RSBN1L: variants seen among roughly 807,000 people sequenced by gnomAD.
RSBN1L encodes round spermatid basic protein 1 like.
A neutral mutation model predicts 67.7 loss-of-function variants in RSBN1L; 30 were observed. The ratio of observed to expected loss-of-function variants is 0.44; its 90% CI spans 0.33 to 0.60. The LOEUF (loss-of-function observed/expected upper bound fraction) is 0.60, where lower values mean the gene tolerates loss of function less well. RSBN1L is among the 20% of genes least tolerant of loss of function. The pLI, the probability that RSBN1L is intolerant of heterozygous loss-of-function variation, is 0.02. For missense variants in RSBN1L, 992 were observed against 1,031.7 expected, an observed-to-expected ratio of 0.96 and a Z score of 0.53; for synonymous variants, 433 against 387.0, an observed-to-expected ratio of 1.12 and a Z score of -1.39.
intron 6 of RSBN1L, 102 bp downstream of exon 6, chr7:77,773,416 A>AT (rs1791871855): frequency 1.3e-6 from 1 of 776,822 alleles, no homozygotes; most frequent in Non-Finnish European, 1.9e-6. Context: ...AAAAAGTTTC[A>AT]TTTTTTACCC....
At chr7:77,734,504 T>C (rs78065302) in intron 1 of RSBN1L, among the ~76,000 whole-genome samples, 15 of 152,076 alleles carry the variant, frequency 9.9e-5, no homozygotes, top group East Asian at 7.7e-4. Context: ...TTTTTTTTTT[T>C]CCAAGATGTA....
At chr7:77,706,162 C>T (rs1475599215) in intron 1 of RSBN1L, among the ~76,000 whole-genome samples, 6 of 151,852 alleles carry the variant, frequency 4.0e-5, no homozygotes, top group African/African-American at 9.7e-5. Flanking sequence ...CTGCAACCTC[C>T]GCCCCCCAGG....
At position 77,779,754 on chromosome 7, in the gene RSBN1L, T is replaced by C. The variant is rs1163374321; in HGVS notation, c.*586T>C. ...GCTGGTATATCTATTTAGTGTGGTA[T>C]TGTAGTGCAAATGTACGTAATTCAA... is the stretch of plus-strand genomic sequence containing the variant. On this transcript the variant is annotated 3_prime_UTR_variant, in exon 8 of 8. Transcript: ENST00000334955. The C allele has an allele frequency of 6.6e-6, 1 of 152,090 alleles. No individual in the cohort carries two copies. The highest frequency in any genetic ancestry group is 1.5e-5 in the Non-Finnish European group (1 of 67,928). 9.4% of individuals were successfully genotyped at this position (152,090 alleles called of 1,614,324 possible).
At chr7:77,757,622 T>C (rs1243970787) in intron 3 of RSBN1L, among the ~76,000 whole-genome samples, 1 of 152,278 alleles carries the variant, frequency 6.6e-6, no homozygotes, top group Non-Finnish European at 1.5e-5. Context: ...TGGACAGTTC[T>C]TGTGGTCTCT....
chr7:77,743,975 C>G (rs1010207439), intron 2 of RSBN1L, among the ~76,000 whole-genome samples: 1 of 152,192 alleles, frequency 6.6e-6, no homozygotes, highest in Non-Finnish European at 1.5e-5. Context: ...ATCCTCCTGC[C>G]TTGGCCTCCC....
At chr7:77,771,073 C>T (rs947594325) in intron 5 of RSBN1L, among the ~76,000 whole-genome samples, 5 of 152,150 alleles carry the variant, frequency 3.3e-5, no homozygotes, top group African/African-American at 9.7e-5. Flanking sequence ...TCCCGAGTAG[C>T]TGGGACTACA....
intron 1 of RSBN1L, among the ~76,000 whole-genome samples, chr7:77,725,007 T>C (rs1438509055): frequency 6.7e-6 from 1 of 149,936 alleles, no homozygotes; most frequent in Non-Finnish European, 1.5e-5. Flanking sequence ...CATGCCTGGC[T>C]AATTTTTTGT....
intron 3 of RSBN1L, among the ~76,000 whole-genome samples, chr7:77,753,201 A>G (rs559090605): frequency 6.6e-6 from 1 of 152,308 alleles, no homozygotes; most frequent in East Asian, 1.9e-4. Flanking sequence ...ATATGCACCT[A>G]TTCAGTTTTG....
chr7:77,718,814 A>G (rs1406898944), intron 1 of RSBN1L, among the ~76,000 whole-genome samples: 1 of 152,194 alleles, frequency 6.6e-6, no homozygotes, highest in African/African-American at 2.4e-5. Flanking sequence ...TTCTGGCATG[A>G]TTGGCTGGGT....
At chr7:77,761,555 G>A (rs1002389122) in intron 3 of RSBN1L, among the ~76,000 whole-genome samples, 1 of 152,148 alleles carries the variant, frequency 6.6e-6, no homozygotes, top group African/African-American at 2.4e-5. Context: ...CAACAAAAGA[G>A]GTGTCACCAA....
intron 4 of RSBN1L, 102 bp from the exon 5 acceptor site, chr7:77,768,559 G>T: frequency 3.2e-6 from 3 of 950,394 alleles, no homozygotes; most frequent in Non-Finnish European, 4.9e-6. Context: ...GTATAAAGCT[G>T]TGTATGAAAG....
At chr7:77,727,594 G>T (rs1189194265) in intron 1 of RSBN1L, among the ~76,000 whole-genome samples, 1 of 150,542 alleles carries the variant, frequency 6.6e-6, no homozygotes, top group Non-Finnish European at 1.5e-5. Flanking sequence ...CTACAGGCCT[G>T]TCCCACCTTA....
intron 3 of RSBN1L, among the ~76,000 whole-genome samples, chr7:77,756,603 C>T (rs1791621630): frequency 6.6e-6 from 1 of 151,844 alleles, no homozygotes; most frequent in African/African-American, 2.4e-5. Context: ...GGTGAAACTC[C>T]GTTTCTAATA....
At chr7:77,704,990 GT>G (rs1299783747) in intron 1 of RSBN1L, among the ~76,000 whole-genome samples, 2 of 92,570 alleles carry the variant, frequency 2.2e-5, no homozygotes, top group Non-Finnish European at 4.0e-5. Context: ...AAAAAAAAAA[GT>G]TGTGTGTGTG....
chr7:77,759,393 G>A (rs201700881), intron 3 of RSBN1L, among the ~76,000 whole-genome samples: 32 of 152,082 alleles, frequency 2.1e-4, no homozygotes, highest in Admixed American at 1.1e-3. Context: ...TTTAGTTGCC[G>A]TTATATGGGT....
At chr7:77,768,880 G>A in intron 5 of RSBN1L, 77 bp downstream of exon 5, 5 of 1,274,660 alleles carry the variant, frequency 3.9e-6, no homozygotes, top group East Asian at 2.3e-5. Flanking sequence ...GAAAATTGGA[G>A]GAAGGAGGAA....
At chr7:77,748,203 G>C (rs1791508994) in intron 2 of RSBN1L, among the ~76,000 whole-genome samples, 1 of 152,076 alleles carries the variant, frequency 6.6e-6, no homozygotes, top group African/African-American at 2.4e-5. Flanking sequence ...TTATAGAAAG[G>C]TTAATATGGC....
chr7:77,707,022 ATTTTTT>A (rs1034017450), intron 1 of RSBN1L, among the ~76,000 whole-genome samples: 2 of 137,674 alleles, frequency 1.5e-5, no homozygotes, highest in African/African-American at 5.4e-5. Flanking sequence ...ATTAAACTAG[ATTTTTT>A]TTTTTTTTTT....
intron 1 of RSBN1L, among the ~76,000 whole-genome samples, chr7:77,709,148 CTGTTTG>C (rs1259633875): frequency 4.4e-5 from 5 of 113,008 alleles, no homozygotes; most frequent in Admixed American, 4.1e-4. Context: ...AGAAGGGATT[CTGTTTG>C]TGTGTGTGTG....
Sources: gnomAD v4.1 joint callset for allele counts (sites outside exome capture counted in the v4.1 genomes callset) on GRCh38, gnomAD v4.1.1 for gene constraint, MANE v1.5 for transcripts, NCBI Gene and HGNC (gene_info 2026-07-23, HGNC 2026-07-21) for gene names.